Variants in FBXL17 observed in about 807,000 individuals in gnomAD.
FBXL17 encodes F-box/LRR-repeat protein 17.
A neutral mutation model predicts 66.2 loss-of-function variants in FBXL17; 22 were observed. The ratio of observed to expected loss-of-function variants is 0.33; its 90% CI spans 0.24 to 0.47. FBXL17 has a LOEUF of 0.47. Among genes scored for constraint, FBXL17 ranks in the 20% least tolerant of loss-of-function variants. The pLI is 1.00. For synonymous variants in FBXL17, 474 were observed against 400.5 expected (o/e 1.18, Z -2.19); for missense variants, 878 against 948.2 (o/e 0.93, Z 0.97).
rs1753186314 is a variant in FBXL17, at chr5:107,990,201, A to T, written c.1822+30724T>A. 2.6e-5 allele frequency among the ~76,000 whole-genome samples: 4 copies of T among 152,210 alleles called. 1 individual carries two copies. In the South Asian group the frequency reaches 8.3e-4, roughly 32 times the overall value. On this transcript the variant is annotated intron_variant, in intron 7 of 8. Transcript: ENST00000542267. ...CATTCCTTTTTCTTTCAGCTGGGGC[A>T]TACAGAACTGGGGCTATCGCCCTAG...
At chr5:108,115,092 A>C (rs1750190396) in intron 6 of FBXL17, among the ~76,000 whole-genome samples, 1 of 152,184 alleles carries the variant, frequency 6.6e-6, no homozygotes, top group Non-Finnish European at 1.5e-5. Context: ...ATTTAAAGAA[A>C]ACCTGAGGAA....
rs57707936 is a variant in FBXL17, at chr5:108,088,700, CAAAAAAAAAAAAAAAAAAA to C, written c.1746-67718_1746-67700del. On this transcript the variant is annotated intron_variant, in intron 6 of 8. Transcript: ENST00000542267. ...TGGCCGACAGAGCGAGACTCTATCT[CAAAAAAAAAAAAAAAAAAA>C]AAAAAAAAAAAAAAAAAAAAGATAC... 6.6e-3 allele frequency among the ~76,000 whole-genome samples: 327 copies of C among 49,340 alleles called. 4 individuals are homozygous for C. Among genetic ancestry groups the C allele is most frequent in the East Asian group, 0.037 (55 of 1,498 alleles). 32.4% of individuals were successfully genotyped at this position (49,340 alleles called of 152,430 possible). A position where few individuals can be genotyped will look rare whatever the true frequency, so the allele number is the denominator to read the frequency against.
chr5:108,077,741 A>G (rs286789), intron 6 of FBXL17, among the ~76,000 whole-genome samples: 6,809 of 151,748 alleles, frequency 0.045, 525 homozygotes, highest in African/African-American at 0.15. Context: ...AGTTTTTATT[A>G]TTTGTCTACA....
chr5:107,872,246 G>A (rs897698226), intron 8 of FBXL17, among the ~76,000 whole-genome samples: 15 of 152,222 alleles, frequency 9.9e-5, no homozygotes, highest in African/African-American at 3.6e-4. Flanking sequence ...GTTCAACCAT[G>A]CAGCAGATGC....
At chr5:108,365,054 T>C in intron 2 of FBXL17, 59 bp from the exon 3 acceptor site, 12 of 1,261,546 alleles carry the variant, frequency 9.5e-6, no homozygotes, top group Non-Finnish European at 1.1e-5. Context: ...GTATTTTCCA[T>C]TTTTTAATTA....
intron 7 of FBXL17, among the ~76,000 whole-genome samples, chr5:107,894,149 C>G (rs190011268): frequency 6.6e-6 from 1 of 152,108 alleles, no homozygotes; most frequent in Admixed American, 6.5e-5. Flanking sequence ...CTTTTACTTA[C>G]AGGGAGAACA....
At chr5:107,880,233 A>G (rs10065586) in intron 8 of FBXL17, 263,230 of 355,384 alleles carry the variant, frequency 0.74, 98,916 homozygotes, top group Admixed American at 0.8. Context: ...ATGCCTGGCT[A>G]ATTTTTTTTT....
intron 7 of FBXL17, among the ~76,000 whole-genome samples, chr5:108,006,091 T>C (rs1753910042): frequency 6.6e-6 from 1 of 152,224 alleles, no homozygotes; most frequent in Non-Finnish European, 1.5e-5. Context: ...TAAATATTTA[T>C]TTGAATCTAA....
intron 6 of FBXL17, among the ~76,000 whole-genome samples, chr5:108,041,976 A>C (rs1290616798): frequency 6.6e-6 from 1 of 151,884 alleles, no homozygotes; most frequent in Admixed American, 6.6e-5. Flanking sequence ...GCTCACTGCA[A>C]CCTCTGCCTC....
At chr5:107,949,538 C>T (rs925155346) in intron 7 of FBXL17, among the ~76,000 whole-genome samples, 1 of 152,154 alleles carries the variant, frequency 6.6e-6, no homozygotes. Flanking sequence ...AGGAAGACTT[C>T]CATTCTCATT....
intron 6 of FBXL17, among the ~76,000 whole-genome samples, chr5:108,082,842 T>C (rs552154704): frequency 6.6e-6 from 1 of 152,304 alleles, no homozygotes; most frequent in South Asian, 2.1e-4. Context: ...TATAAAAAGA[T>C]TGTAGAACTA....
intron 7 of FBXL17, among the ~76,000 whole-genome samples, chr5:107,968,552 G>A (rs1752240589): frequency 6.6e-6 from 1 of 152,094 alleles, no homozygotes; most frequent in African/African-American, 2.4e-5. Flanking sequence ...CTATGCCCAT[G>A]AAAATGTAGT....
chr5:108,291,035 G>A (rs1758091365), intron 4 of FBXL17, among the ~76,000 whole-genome samples: 1 of 152,082 alleles, frequency 6.6e-6, no homozygotes, highest in South Asian at 2.1e-4. Flanking sequence ...TTAAAGAACA[G>A]ATTTAAATTG....
At chr5:107,909,801 T>A (rs535637234) in intron 7 of FBXL17, among the ~76,000 whole-genome samples, 2 of 152,252 alleles carry the variant, frequency 1.3e-5, no homozygotes, top group South Asian at 2.1e-4. Flanking sequence ...TCAGAATGCA[T>A]CAAGCCTCAC....
chr5:108,231,198 AT>A (rs139636829), intron 4 of FBXL17, among the ~76,000 whole-genome samples: 1 of 152,164 alleles, frequency 6.6e-6, no homozygotes, highest in African/African-American at 2.4e-5. Flanking sequence ...AAATCCATCC[AT>A]TTTGAGTATA....
rs182380909 is a variant in FBXL17 at position 108,016,457 on chromosome 5, C to T, written c.1822+4468G>A. Among the ~76,000 whole-genome samples, 570 of 152,228 alleles carry T rather than the reference C, an allele frequency of 3.7e-3. 5 individuals carry two copies. The highest frequency in any genetic ancestry group is 0.013 in the African/African-American group (553 of 41,536). ...TTAAAATGGAAACAAAAAAATATCT[C>T]TAGAGTGTATTTCTAGGGCCCACAG... is the stretch of plus-strand genomic sequence containing the variant. On this transcript the variant is annotated intron_variant, in intron 7 of 8. Transcript: ENST00000542267.
At chr5:108,082,223 A>C (rs1339071391) in intron 6 of FBXL17, among the ~76,000 whole-genome samples, 1 of 152,102 alleles carries the variant, frequency 6.6e-6, no homozygotes, top group African/African-American at 2.4e-5. Flanking sequence ...CTGGTAAAAA[A>C]AAAAAAATGC....
intron 7 of FBXL17, among the ~76,000 whole-genome samples, chr5:107,994,597 T>G (rs1056817603): frequency 2.2e-4 from 34 of 152,158 alleles, no homozygotes; most frequent in Non-Finnish European, 3.2e-4. Context: ...CCCAGCACTT[T>G]GGGAGGCTGA....
intron 4 of FBXL17, among the ~76,000 whole-genome samples, chr5:108,253,323 T>G (rs1226643233): frequency 2.0e-5 from 3 of 152,174 alleles, no homozygotes; most frequent in Non-Finnish European, 4.4e-5. Flanking sequence ...GCATGTAGAA[T>G]GGTTCTTTGA....
Sources: allele counts gnomAD v4.1 joint callset (sites outside exome capture counted in the v4.1 genomes callset), GRCh38; gene constraint gnomAD v4.1.1; transcripts MANE v1.5; gene names NCBI Gene and HGNC (gene_info 2026-07-23, HGNC 2026-07-21).